Variants in GPT observed in about 807,000 individuals in gnomAD.
GPT encodes the protein alanine aminotransferase 1.
GPT carries 60 observed loss-of-function variants against 51.4 expected under a neutral mutation model. That is an observed-to-expected ratio of 1.17 (90% confidence interval 0.95 to 1.45). The LOEUF is 1.45. Ranked by LOEUF, GPT falls within the 40% of genes most tolerant of loss-of-function variation. GPT has a pLI of 0.00. For missense variants in GPT, 853 were observed against 704.0 expected, an observed-to-expected ratio of 1.21 and a Z score of -2.40; for synonymous variants, 397 against 303.1, an observed-to-expected ratio of 1.31 and a Z score of -3.22.
rs1215743636 is a variant in GPT, at chr8:144,505,151, C to G, written c.495+20C>G. On this transcript the variant is annotated intron_variant, in intron 4 of 10. Transcript: ENST00000394955. ...ATCGTGGTAGGCTGGGCATGGGCAC[C>G]AAGACATTCCTGACACTGCAGAGGG... The G allele has an allele frequency of 4.3e-6, 7 of 1,612,764 alleles. No homozygotes were observed. Among genetic ancestry groups the G allele is most frequent in the Middle Eastern group, 1.6e-4 (1 of 6,084 alleles).
rs372818661 is a variant in GPT, at chr8:144,504,480, C to T, written c.162+14C>T. On this transcript the variant is annotated intron_variant, in intron 1 of 10. Transcript: ENST00000394955. ...GAGCTGCGCCAGGTATGGCCCAGGG[C>T]CCCTCGCTGCCCTCCAGGTCACAAT... 4.4e-6 allele frequency: 7 copies of T among 1,606,922 alleles called. No homozygotes were observed. Among genetic ancestry groups the T allele is most frequent in the Non-Finnish European group, 5.9e-6 (7 of 1,178,634 alleles).
In GPT at chr8:144,506,821, C is replaced by A. The variant is rs766711055; in HGVS notation, c.1378C>A (p.Arg460=). 6.2e-7 allele frequency: 1 copy of A among 1,612,752 alleles called. No homozygotes were observed. The highest frequency in any genetic ancestry group is 1.1e-5 in the South Asian group (1 of 91,084). The change falls in exon 10 of 11, where the codon CGG becomes AGG. Residue 460 remains arginine, a synonymous_variant. Transcript: ENST00000394955. The surrounding 1 kb of genome is among the most constrained non-coding windows in gnomAD (Gnocchi z 7.0). ...CVVPGSGFGQ[R]EGTYHFRMTI... is the part of the protein sequence containing the mutation. ...GGTGCCAGGGAGCGGCTTTGGGCAG[C>A]GGGAAGGCACCTACCACTTCCGGTG...
Position 144,506,449 on chromosome 8 carries a change from G to A in GPT, c.1131+43G>A, listed in dbSNP as rs773568283. 1.1e-5 allele frequency: 17 copies of A among 1,570,400 alleles called. No homozygotes were observed. The South Asian group carries it at 2.0e-4, about 18-fold the overall frequency. On this transcript the variant is annotated intron_variant, in intron 8 of 10. Transcript: ENST00000394955. This position sits in a 1 kb window ranked among gnomAD's most constrained non-coding sequence, Gnocchi z 7.0. ...GGGGGTCCAGGTGACCTAATCAGGG[G>A]TGGGGGATGCCGAGTGCCGTGCCCT...
chr8:144,505,025 A>AGCT lies in GPT; in HGVS notation c.391_393dup (p.Leu131dup), dbSNP rs765542863. 6.2e-7 allele frequency: 1 copy of AGCT among 1,613,160 alleles called. No individual in the cohort carries two copies. Among genetic ancestry groups the AGCT allele is most frequent in the Non-Finnish European group, 8.5e-7 (1 of 1,179,994 alleles). On this transcript the variant is annotated inframe_insertion, in exon 4 of 11. Transcript: ENST00000394955. ...GCCTACAGCGTCAGCTCCGGCATCC[A>AGCT]GCTGATCCGGGAGGACGTGGCGCGG... is the stretch of plus-strand genomic sequence containing the variant.
At chr8:144,503,366 TCGTTTCCTA>T (rs1445964615), upstream of GPT, among the ~76,000 whole-genome samples, 4 of 152,124 alleles carry the variant, frequency 2.6e-5, no homozygotes, top group Non-Finnish European at 5.9e-5. Flanking sequence ...CTATCCCAGC[TCGTTTCCTA>T]CTCTCTCCTC....
Position 144,504,780 on chromosome 8 carries a change from C to A in GPT, c.262C>A (p.Leu88Ile). Residue 88 changes from leucine (L) to isoleucine (I), a missense_variant, in exon 3 of 11, where the codon CTC becomes ATC. Leu to Ile is a conservative substitution (Grantham distance 5). Transcript: ENST00000394955. The part of the protein sequence containing the change: ...PITFLRQVLA[L>I]CVNPDLLSSP... ...CACTCCGTCTTCCCAGGTCTTGGCCCTCTGTGTTAACCCTGATCTTCTGAG... is the reference window on the plus strand; with the variant it reads ...CACTCCGTCTTCCCAGGTCTTGGCCATCTGTGTTAACCCTGATCTTCTGAG... The A allele has an allele frequency of 6.2e-7, 1 of 1,613,698 alleles. No individual in the cohort carries two copies. Among genetic ancestry groups the A allele is most frequent in the Non-Finnish European group, 8.5e-7 (1 of 1,180,000 alleles).
rs1424877231 is a variant in GPT, at chr8:144,506,438, C to A, written c.1131+32C>A. 2 of 1,566,334 alleles carry A rather than the reference C, an allele frequency of 1.3e-6. No homozygotes were observed. Among genetic ancestry groups the A allele is most frequent in the Non-Finnish European group, 1.7e-6 (2 of 1,157,110 alleles). ...TGGGGGCAGGAGGGGGTCCAGGTGA[C>A]CTAATCAGGGGTGGGGGATGCCGAG... On this transcript the variant is annotated intron_variant, in intron 8 of 10. Coordinates refer to ENST00000394955, the MANE Select transcript of GPT (RefSeq NM_005309.3). The surrounding 1 kb of genome is among the most constrained non-coding windows in gnomAD (Gnocchi z 7.0).
upstream of GPT, chr8:144,503,900 C>T (rs776822237): frequency 1.0e-5 from 3 of 296,852 alleles, no homozygotes; most frequent in Non-Finnish European, 1.3e-5. Flanking sequence ...AGGTGCTCAG[C>T]CCTCTCCCCC....
Position 144,506,882 on chromosome 8 carries a change from C to G in GPT, c.1401-28C>G, listed in dbSNP as rs763407503. 1.2e-6 allele frequency: 2 copies of G among 1,611,786 alleles called. No individual in the cohort carries two copies. The highest frequency in any genetic ancestry group is 2.2e-5 in the South Asian group (2 of 91,060). On this transcript the variant is annotated intron_variant, in intron 10 of 10. Transcript: ENST00000394955. The surrounding 1 kb of genome is among the most constrained non-coding windows in gnomAD (Gnocchi z 7.0). ...CTCACTCCCTGTCCCGCCACCCTGGCCCTTCACTCACTGTCAACTCCTTTC... is the reference window on the plus strand; with the variant it reads ...CTCACTCCCTGTCCCGCCACCCTGGGCCTTCACTCACTGTCAACTCCTTTC...
Position 144,506,528 on chromosome 8 carries a change from G to A in GPT, c.1159G>A (p.Ala387Thr), listed in dbSNP as rs1461556728. 6.3e-7 allele frequency: 1 copy of A among 1,596,944 alleles called. No homozygotes were observed. The highest frequency in any genetic ancestry group is 1.1e-5 in the South Asian group (1 of 88,082). The change falls in exon 9 of 11, where the codon GCG becomes ACG. Residue 387 changes from alanine (A) to threonine (T), a missense_variant. Ala to Thr is a moderately conservative substitution (Grantham distance 58). Transcript: ENST00000394955. The surrounding 1 kb of genome is among the most constrained non-coding windows in gnomAD (Gnocchi z 7.0). ...GAAGCAGGCAGTGCTGGCAGAGCTGGCGGCCAAGGCCAAGCTCACCGAGCA... is the reference window on the plus strand; with the variant it reads ...GAAGCAGGCAGTGCTGGCAGAGCTGACGGCCAAGGCCAAGCTCACCGAGCA... The part of the protein sequence containing the change: ...AEKQAVLAEL[A>T]AKAKLTEQVF...
rs201815297 is a variant in GPT, at chr8:144,504,778, C to T, written c.260C>T (p.Ala87Val). 888 of 1,613,388 alleles carry T rather than the reference C, an allele frequency of 5.5e-4. No homozygotes were observed. The highest frequency in any genetic ancestry group is 6.6e-4 in the Non-Finnish European group (775 of 1,179,910). Residue 87 changes from alanine to valine, a missense_variant, in exon 3 of 11, where the codon GCC (alanine) becomes GTC (valine). Transcript: ENST00000394955. Reference protein sequence around the residue: ...RPITFLRQVLALCVNPDLLSS... With the variant: ...RPITFLRQVLVLCVNPDLLSS... ...AGCACTCCGTCTTCCCAGGTCTTGG[C>T]CCTCTGTGTTAACCCTGATCTTCTG...
intron 4 of GPT, 50 bp from the exon 5 acceptor site, chr8:144,505,196 A>G (rs1396435650): frequency 6.2e-7 from 1 of 1,612,422 alleles, no homozygotes; most frequent in Admixed American, 1.7e-5. Flanking sequence ...GGTGGGGGAC[A>G]GGTGCGGCCC....
At position 144,506,508 on chromosome 8, in the gene GPT, A is replaced by AGGCAGTGCT; in HGVS notation, c.1145_1153dup (p.Val382_Ala384dup). The AGGCAGTGCT allele has an allele frequency of 2.5e-6, 4 of 1,597,706 alleles. No individual in the cohort carries two copies. The South Asian group carries it at 3.4e-5, about 14-fold the overall frequency. On this transcript the variant is annotated inframe_insertion, in exon 9 of 11. Coordinates refer to ENST00000394955, the MANE Select transcript of GPT (RefSeq NM_005309.3). This position sits in a 1 kb window ranked among gnomAD's most constrained non-coding sequence, Gnocchi z 7.0. ...CTCCCTCCGCGGCCACAGGAGAAGC[A>AGGCAGTGCT]GGCAGTGCTGGCAGAGCTGGCGGCC...
intron 5 of GPT, 103 bp downstream of exon 5, chr8:144,505,592 C>T: frequency 3.1e-6 from 1 of 325,706 alleles, no homozygotes; most frequent in East Asian, 5.6e-5. Context: ...CCCGCCGCCC[C>T]GCCCCACTCC....
rs1282073536 is a variant in GPT, at chr8:144,506,407, G to C, written c.1131+1G>C. 5.1e-6 allele frequency: 8 copies of C among 1,559,636 alleles called. No homozygotes were observed. The highest frequency in any genetic ancestry group is 6.9e-6 in the Non-Finnish European group (8 of 1,154,662). On this transcript the variant is annotated splice_donor_variant, in intron 8 of 10. Transcript: ENST00000394955. LOFTEE classifies it high-confidence loss of function. The surrounding 1 kb of genome is among the most constrained non-coding windows in gnomAD (Gnocchi z 7.0). ...CCCCTCCTTTGCGCAGTTCCAGGCT[G>C]TGAGTTGGGGGCAGGAGGGGGTCCA...
chr8:144,505,262 T>G lies in GPT; in HGVS notation c.512T>G (p.Leu171Arg). 1.2e-6 allele frequency: 2 copies of G among 1,600,270 alleles called. No individual in the cohort carries two copies. Among genetic ancestry groups the G allele is most frequent in the Non-Finnish European group, 1.7e-6 (2 of 1,174,088 alleles). Residue 171 changes from leucine (L) to arginine (R), a missense_variant, in exon 5 of 11, where the codon CTG (leucine) becomes CGG (arginine). Transcript: ENST00000394955. ...SDAIVTVLKL[L>R]VAGEGHTRTG... ...TTTCCGCAGACGGTGCTGAAGCTGC[T>G]GGTGGCCGGCGAGGGCCACACACGC...
chr8:144,506,573 G>A lies in GPT; in HGVS notation c.1204G>A (p.Gly402Ser). ...LTEQVFNEAP[G>S]ISCNPVQGAM... ...CGAGCAGGTCTTCAATGAGGCTCCT[G>A]GCATCAGCTGCAACCCAGTGCAGGG... The change falls in exon 9 of 11, where the codon GGC (glycine) becomes AGC (serine). Residue 402 changes from glycine (G) to serine (S), a missense_variant. Transcript: ENST00000394955. This position sits in a 1 kb window ranked among gnomAD's most constrained non-coding sequence, Gnocchi z 7.0. 1 of 1,579,816 alleles carries A rather than the reference G, an allele frequency of 6.3e-7. No individual in the cohort carries two copies. The highest frequency in any genetic ancestry group is 8.6e-7 in the Non-Finnish European group (1 of 1,163,688).
chr8:144,506,048 G>A lies in GPT; in HGVS notation c.873G>A (p.Lys291=). ...AAGSQFHSFK[K]VLMEMGPPYA... ...GTTCGCAGTTCCACTCATTCAAGAAGGTGCTCATGGAGATGGGGCCGCCCT... is the reference window on the plus strand; with the variant it reads ...GTTCGCAGTTCCACTCATTCAAGAAAGTGCTCATGGAGATGGGGCCGCCCT... The change falls in exon 7 of 11, where the codon AAG becomes AAA. Residue 291 remains lysine, a synonymous_variant. Coordinates refer to ENST00000394955, the MANE Select transcript of GPT (RefSeq NM_005309.3). This position sits in a 1 kb window ranked among gnomAD's most constrained non-coding sequence, Gnocchi z 7.0. 1.2e-6 allele frequency: 2 copies of A among 1,612,456 alleles called. No homozygotes were observed. The highest frequency in any genetic ancestry group is 1.1e-5 in the South Asian group (1 of 91,090).
In GPT at chr8:144,505,084, G is replaced by A; in HGVS notation, c.448G>A (p.Asp150Asn). 6.2e-7 allele frequency: 1 copy of A among 1,613,154 alleles called. No individual in the cohort carries two copies. The highest frequency in any genetic ancestry group is 8.5e-7 in the Non-Finnish European group (1 of 1,179,996). The stretch of plus-strand genomic sequence containing the variant: ...GAGGCGTGACGGAGGCATCCCTGCG[G>A]ACCCCAACAACGTCTTCCTGTCCAC... ...IERRDGGIPA[D>N]PNNVFLSTGA... The change falls in exon 4 of 11, where the codon GAC becomes AAC. Residue 150 changes from aspartate to asparagine, a missense_variant. Asp to Asn is a conservative substitution (Grantham distance 23). Transcript: ENST00000394955.
Sources: gnomAD v4.1 joint callset for allele counts (sites outside exome capture counted in the v4.1 genomes callset) on GRCh38, gnomAD v4.1.1 for gene constraint, Gnocchi (gnomAD v3.1) non-coding constraint, MANE v1.5 for transcripts, NCBI Gene and HGNC (gene_info 2026-07-23, HGNC 2026-07-21) for gene names.